The following C19orf47 variants were observed in gnomAD, a reference collection of about 807,000 sequenced individuals.
The protein encoded by C19orf47 is uncharacterized protein C19orf47.
A neutral mutation model predicts 32.3 loss-of-function variants in C19orf47; 18 were observed. The ratio of observed to expected loss-of-function variants is 0.56; its 90% CI spans 0.39 to 0.83. The LOEUF (loss-of-function observed/expected upper bound fraction) is 0.83, where lower values mean the gene tolerates loss of function less well. Ranked by LOEUF, C19orf47 falls within the 40% of genes least tolerant of loss-of-function variation. The pLI is 0.00. For synonymous variants in C19orf47, 202 were observed against 211.1 expected, an observed-to-expected ratio of 0.96 and a Z score of 0.37; for missense variants, 484 against 531.6, an observed-to-expected ratio of 0.91 and a Z score of 0.88.
intron 6 of C19orf47, among the ~76,000 whole-genome samples, chr19:40,326,941 A>C (rs1289750487): frequency 2.0e-5 from 3 of 152,124 alleles, no homozygotes; most frequent in Non-Finnish European, 4.4e-5. Context: ...AAACGTGTTA[A>C]GGGTTAAAAG....
chr19:40,294,521 TTG>T, the C19orf47 span, among the ~76,000 whole-genome samples: 7 of 152,254 alleles, frequency 4.6e-5, no homozygotes, highest in South Asian at 2.1e-4. Flanking sequence ...GTCTTTTGTG[TTG>T]TGTCATACAG....
At chr19:40,323,634 G>A (rs1319524303) in intron 8 of C19orf47, among the ~76,000 whole-genome samples, 1 of 152,220 alleles carries the variant, frequency 6.6e-6, no homozygotes, top group African/African-American at 2.4e-5. Flanking sequence ...TATCCTGACA[G>A]GGAGAGGTGG....
chr19:40,294,891 T>C, the C19orf47 span, among the ~76,000 whole-genome samples: 111 of 152,224 alleles, frequency 7.3e-4, 3 homozygotes, highest in Admixed American at 7.1e-3. Context: ...CAACCTTCAA[T>C]TGGACAATGC....
chr19:40,324,172 T>C lies in C19orf47; in HGVS notation c.593-96A>G, dbSNP rs1009245552. On this transcript the variant is annotated intron_variant, in intron 7 of 8. Transcript: ENST00000683109. The stretch of plus-strand genomic sequence containing the variant: ...CCAAGGCAGCCCAGACACCAGTAGC[T>C]CTGGGACAGGCAGGGCCAGACTGTG... The C allele has an allele frequency of 1.8e-5, 22 of 1,207,120 alleles. No individual in the cohort carries two copies. In the South Asian group the frequency reaches 2.7e-4, roughly 15 times the overall value. 74.8% of individuals were successfully genotyped at this position (1,207,120 alleles called of 1,614,324 possible). A position where few individuals can be genotyped will look rare whatever the true frequency, so the allele number is the denominator to read the frequency against.
In C19orf47 at chr19:40,321,823, TGGGGCGGCCAGGGCAGATGCCC is replaced by T; in HGVS notation, c.*37_*58del. 7.5e-6 allele frequency: 11 copies of T among 1,463,832 alleles called. No individual in the cohort carries two copies. The highest frequency in any genetic ancestry group is 7.2e-6 in the Non-Finnish European group (8 of 1,110,096). 90.7% of individuals were successfully genotyped at this position (1,463,832 alleles called of 1,614,324 possible). ...GGGAGGCGTGATGAAGCCAGGAGCC[TGGGGCGGCCAGGGCAGATGCCC>T]GCAGGCTCTGCTGCCTGCACCCCGC... On this transcript the variant is annotated 3_prime_UTR_variant, in exon 9 of 9. Transcript: ENST00000683109.
chr19:40,310,498 C>T, the C19orf47 span, among the ~76,000 whole-genome samples: 1 of 152,174 alleles, frequency 6.6e-6, no homozygotes, highest in Non-Finnish European at 1.5e-5. Flanking sequence ...AGGGTAGTCT[C>T]GAACTCCTGA....
the C19orf47 span, among the ~76,000 whole-genome samples, chr19:40,306,652 C>A: frequency 6.6e-6 from 1 of 152,124 alleles, no homozygotes; most frequent in Admixed American, 6.6e-5. Flanking sequence ...ATCTGCCAGC[C>A]TCAGCCTCCC....
At chr19:40,335,036 AGGAGGGAGGGAGGGAG>A (rs564012353) in intron 4 of C19orf47, 1 of 39,968 alleles carries the variant, frequency 2.5e-5, no homozygotes, top group East Asian at 1.0e-3. Context: ...GAAGGAGGGA[AGGAGGGAGGGAGGGAG>A]GGAGGGAGGA....
At chr19:40,297,303 T>C in the C19orf47 span, among the ~76,000 whole-genome samples, 2 of 152,116 alleles carry the variant, frequency 1.3e-5, no homozygotes, top group African/African-American at 4.8e-5. Context: ...CAGTGGCTCA[T>C]GCCTGTAATC....
chr19:40,324,617 G>A (rs1353542849), intron 7 of C19orf47: 2 of 155,174 alleles, frequency 1.3e-5, no homozygotes, highest in Non-Finnish European at 2.9e-5. Flanking sequence ...CCCTTTGGGA[G>A]GCTGAGGCAG....
the C19orf47 span, among the ~76,000 whole-genome samples, chr19:40,302,873 T>A: frequency 6.6e-6 from 1 of 152,166 alleles, no homozygotes; most frequent in Non-Finnish European, 1.5e-5. Context: ...AAGCTAAAAC[T>A]AGAAGACTTG....
At chr19:40,297,445 G>A in the C19orf47 span, among the ~76,000 whole-genome samples, 2 of 152,208 alleles carry the variant, frequency 1.3e-5, no homozygotes, top group East Asian at 1.9e-4. Context: ...GCTCACGCCT[G>A]TAATCCCAAC....
intron 2 of C19orf47, among the ~76,000 whole-genome samples, chr19:40,339,404 C>G (rs934203817): frequency 6.6e-6 from 1 of 152,134 alleles, no homozygotes; most frequent in Non-Finnish European, 1.5e-5. Flanking sequence ...CCAGGAGACA[C>G]GTACAAGAAT....
chr19:40,348,476 C>T, upstream of C19orf47: 2 of 1,498,774 alleles, frequency 1.3e-6, no homozygotes, highest in Non-Finnish European at 1.8e-6. Flanking sequence ...CCGCTCTACC[C>T]CAACAGGCCG....
chr19:40,304,827 T>C, the C19orf47 span, among the ~76,000 whole-genome samples: 1 of 152,310 alleles, frequency 6.6e-6, no homozygotes, highest in East Asian at 1.9e-4. Flanking sequence ...ACCAGGCACA[T>C]AGTTGGGACT....
the C19orf47 span, among the ~76,000 whole-genome samples, chr19:40,307,717 T>G: frequency 6.6e-6 from 1 of 152,242 alleles, no homozygotes; most frequent in African/African-American, 2.4e-5. Flanking sequence ...TTTAAGCCTT[T>G]CACACTAATC....
At chr19:40,313,093 C>A in the C19orf47 span, among the ~76,000 whole-genome samples, 1 of 152,180 alleles carries the variant, frequency 6.6e-6, no homozygotes, top group African/African-American at 2.4e-5. Flanking sequence ...TTCAACTTTA[C>A]CACAACCTAC....
At chr19:40,312,737 A>T in the C19orf47 span, among the ~76,000 whole-genome samples, 1 of 152,178 alleles carries the variant, frequency 6.6e-6, no homozygotes, top group Non-Finnish European at 1.5e-5. Context: ...AGGAAGTTTT[A>T]AGACGACACC....
At chr19:40,323,434 A>G (rs561281218) in intron 8 of C19orf47, among the ~76,000 whole-genome samples, 1 of 152,332 alleles carries the variant, frequency 6.6e-6, no homozygotes, top group Non-Finnish European at 1.5e-5. Context: ...GCTACACACC[A>G]GGCCTGGGGC....
Sources: gnomAD v4.1 joint callset for allele counts (sites outside exome capture counted in the v4.1 genomes callset) on GRCh38, gnomAD v4.1.1 for gene constraint, MANE v1.5 for transcripts, NCBI Gene and HGNC (gene_info 2026-07-23, HGNC 2026-07-21) for gene names.